FGD3: variants seen among roughly 807,000 people sequenced by gnomAD.
FGD3 encodes the protein FYVE, RhoGEF and PH domain-containing protein 3.
Under a neutral mutation model 71.8 loss-of-function variants are expected in FGD3, and 45 were observed. That is an observed-to-expected ratio of 0.63 (90% CI 0.49 to 0.80). The LOEUF is 0.80. FGD3 is among the 30% of genes least tolerant of loss of function. The probability of loss-of-function intolerance (pLI) is 0.00; values close to 1 mark genes in which losing one functional copy is unlikely to be tolerated. For synonymous variants in FGD3, 378 were observed against 392.8 expected (o/e 0.96, Z 0.44); for missense variants, 844 against 951.5 (o/e 0.89, Z 1.49).
At chr9:92,995,238 T>C (rs1191317257) in intron 3 of FGD3, among the ~76,000 whole-genome samples, 1 of 152,194 alleles carries the variant, frequency 6.6e-6, no homozygotes, top group East Asian at 1.9e-4. Context: ...TTGAAGCAAT[T>C]GTGAATGGGA....
rs375796425 is a variant in FGD3, at chr9:93,030,024, C to T, written c.1680+28C>T. 1.2e-5 allele frequency: 19 copies of T among 1,606,220 alleles called. No individual in the cohort carries two copies. The African/African-American group carries it at 2.1e-4, about 18-fold the overall frequency. Reference sequence around the variant, plus strand: ...GAGTCCCGGGAGAGGGGGACAGGGACAGGAGGCCACCCTGTCCTCTGCTCT... The same window carrying T: ...GAGTCCCGGGAGAGGGGGACAGGGATAGGAGGCCACCCTGTCCTCTGCTCT... On this transcript the variant is annotated intron_variant, in intron 15 of 17. Transcript: ENST00000375482.
chr9:93,022,440 G>T (rs772034822), intron 14 of FGD3, 51 bp downstream of exon 14: 2 of 1,589,052 alleles, frequency 1.3e-6, no homozygotes, highest in East Asian at 2.2e-5. Context: ...AGAGCAGGGG[G>T]TCAGACCAGG....
In FGD3 at chr9:93,032,827, G is replaced by A; in HGVS notation, c.1739G>A (p.Cys580Tyr). 1 of 1,614,206 alleles carries A rather than the reference G, an allele frequency of 6.2e-7. No individual in the cohort carries two copies. Among genetic ancestry groups the A allele is most frequent in the Non-Finnish European group, 8.5e-7 (1 of 1,180,040 alleles). ...GAGAACAGCCGGCAGAGCCGTGTCT[G>A]CAGAGATTGTTTCCTGACACAGCCA... ...KAENSRQSRVCRDCFLTQPVA... is the reference protein window; with the variant it reads ...KAENSRQSRVYRDCFLTQPVA... Residue 580 changes from cysteine to tyrosine, a missense_variant, in exon 16 of 18, where the codon TGC becomes TAC. Physicochemically the swap from Cys to Tyr is radical, Grantham distance 194. Transcript: ENST00000375482.
intron 14 of FGD3, among the ~76,000 whole-genome samples, chr9:93,027,934 G>A (rs554133974): frequency 9.9e-5 from 15 of 151,830 alleles, no homozygotes; most frequent in African/African-American, 3.1e-4. Flanking sequence ...GCCCAGATTG[G>A]TCTCGAACTT....
At chr9:93,028,992 A>G (rs1316905949) in intron 14 of FGD3, among the ~76,000 whole-genome samples, 1 of 96,348 alleles carries the variant, frequency 1.0e-5, no homozygotes, top group African/African-American at 3.6e-5. Context: ...ACATGTCCTC[A>G]CAGTTTTTTT....
In FGD3 at chr9:93,011,978, G is replaced by C. The variant is rs376943621; in HGVS notation, c.1035+706G>C. Among the ~76,000 whole-genome samples the C allele has an allele frequency of 3.3e-5, 5 of 152,004 alleles. No individual in the cohort carries two copies. The East Asian group carries it at 7.8e-4, about 24-fold the overall frequency. On this transcript the variant is annotated intron_variant, in intron 8 of 17. Transcript: ENST00000375482. ...TGGAGACCATCCTGGCTAATATGGT[G>C]AAACCCCATCTCTACTAAAAATACA... is the stretch of plus-strand genomic sequence containing the variant.
chr9:93,008,595 C>T (rs1271871827), intron 6 of FGD3, among the ~76,000 whole-genome samples: 1 of 152,192 alleles, frequency 6.6e-6, no homozygotes, highest in African/African-American at 2.4e-5. Context: ...TCTCTGCATC[C>T]CATTCCTGGG....
intron 11 of FGD3, among the ~76,000 whole-genome samples, 167 bp downstream of exon 11, chr9:93,018,382 C>T (rs1861786086): frequency 1.3e-5 from 2 of 152,136 alleles, no homozygotes; most frequent in African/African-American, 4.8e-5. Flanking sequence ...CACAGAAAGC[C>T]AATCACTGAG....
At chr9:93,015,473 G>T (rs1861638363) in intron 9 of FGD3, among the ~76,000 whole-genome samples, 1 of 151,042 alleles carries the variant, frequency 6.6e-6, no homozygotes, top group Admixed American at 6.6e-5. Flanking sequence ...ATAAAAAAAG[G>T]TTTTTTTTTA....
intron 3 of FGD3, among the ~76,000 whole-genome samples, chr9:92,981,475 A>C (rs1461559738): frequency 6.6e-6 from 1 of 152,012 alleles, no homozygotes; most frequent in African/African-American, 2.4e-5. Context: ...TATCCTGGAG[A>C]ATGTTTCATG....
chr9:93,003,935 A>T lies in FGD3; in HGVS notation c.544-66A>T, dbSNP rs1036377432. 6 of 1,593,898 alleles carry T rather than the reference A, an allele frequency of 3.8e-6. No homozygotes were observed. Among genetic ancestry groups the T allele is most frequent in the Non-Finnish European group, 5.1e-6 (6 of 1,166,268 alleles). On this transcript the variant is annotated intron_variant, in intron 4 of 17. Coordinates refer to ENST00000375482, the MANE Select transcript of FGD3 (RefSeq NM_001083536.2). This position sits in a 1 kb window ranked among gnomAD's most constrained non-coding sequence, Gnocchi z 4.1. Reference sequence around the variant, plus strand: ...CCCGAGCGCCCTCACCTGTGGCCGAAGCGGGGCGGCAACTGTGCTCAGTGG... The same window carrying T: ...CCCGAGCGCCCTCACCTGTGGCCGATGCGGGGCGGCAACTGTGCTCAGTGG...
intron 15 of FGD3, among the ~76,000 whole-genome samples, 191 bp downstream of exon 15, chr9:93,030,187 C>T (rs1037303849): frequency 6.6e-6 from 1 of 152,242 alleles, no homozygotes; most frequent in African/African-American, 2.4e-5. Context: ...AATCAAATCA[C>T]TTTTCTCTGG....
chr9:93,014,143 C>T, intron 9 of FGD3, 145 bp downstream of exon 9: 1 of 1,038,788 alleles, frequency 9.6e-7, no homozygotes, highest in Non-Finnish European at 1.3e-6. Flanking sequence ...CCTCTGAGAC[C>T]CTCAGCATCC....
chr9:93,035,821 G>A lies in FGD3; in HGVS notation c.*232G>A, dbSNP rs1862579391. The A allele has an allele frequency of 1.8e-6, 1 of 563,790 alleles. No individual in the cohort carries two copies. Among genetic ancestry groups the A allele is most frequent in the Non-Finnish European group, 3.0e-6 (1 of 335,566 alleles). 34.9% of individuals were successfully genotyped at this position (563,790 alleles called of 1,614,324 possible). A position where few individuals can be genotyped will look rare whatever the true frequency, so the allele number is the denominator to read the frequency against. ...GAGCCTGGCCTCCAGCCCCAGCAGT[G>A]TGGCCCAGAGCAGGGGCCGACTGCC... On this transcript the variant is annotated 3_prime_UTR_variant, in exon 18 of 18. Coordinates refer to ENST00000375482, the MANE Select transcript of FGD3 (RefSeq NM_001083536.2).
At chr9:93,010,706 G>C in intron 7 of FGD3, among the ~76,000 whole-genome samples, 1 of 147,780 alleles carries the variant, frequency 6.8e-6, no homozygotes, top group African/African-American at 2.5e-5. Context: ...GAGACACACA[G>C]AGACAGAGGA....
In FGD3 at chr9:93,003,762, C is replaced by T. The variant is rs547756207; in HGVS notation, c.544-239C>T. ...GAGGAAAGATGTCATTCCCTGTCCTCAGGCGACTGTCCCTGCCTCACCCAC... is the reference window on the plus strand; with the variant it reads ...GAGGAAAGATGTCATTCCCTGTCCTTAGGCGACTGTCCCTGCCTCACCCAC... On this transcript the variant is annotated intron_variant, in intron 4 of 17. Coordinates refer to ENST00000375482, the MANE Select transcript of FGD3 (RefSeq NM_001083536.2). This position sits in a 1 kb window ranked among gnomAD's most constrained non-coding sequence, Gnocchi z 4.1. 5.9e-5 allele frequency among the ~76,000 whole-genome samples: 9 copies of T among 152,358 alleles called. No homozygotes were observed. The South Asian group carries it at 1.7e-3, about 28-fold the overall frequency.
At position 93,007,253 on chromosome 9, in the gene FGD3, G is replaced by A. The variant is rs1019927174; in HGVS notation, c.837+1073G>A. Among the ~76,000 whole-genome samples the A allele has an allele frequency of 3.3e-5, 5 of 151,522 alleles. No individual in the cohort carries two copies. In the South Asian group the frequency reaches 1.0e-3, roughly 32 times the overall value. Reference sequence around the variant, plus strand: ...CTACAGGCGCCCGCCACCACGCCCGGCTAATTTTTTATATTTTTTAGTAGA... The same window carrying A: ...CTACAGGCGCCCGCCACCACGCCCGACTAATTTTTTATATTTTTTAGTAGA... On this transcript the variant is annotated intron_variant, in intron 6 of 17. Coordinates refer to ENST00000375482, the MANE Select transcript of FGD3 (RefSeq NM_001083536.2).
chr9:93,013,904 A>T lies in FGD3; in HGVS notation c.1088A>T (p.Asp363Val). 1 of 1,612,730 alleles carries T rather than the reference A, an allele frequency of 6.2e-7. No homozygotes were observed. The highest frequency in any genetic ancestry group is 1.1e-5 in the South Asian group (1 of 90,672). Residue 363 changes from aspartate (D) to valine (V), a missense_variant, in exon 9 of 18, where the codon GAC becomes GTC. Transcript: ENST00000375482. ...TACGAGCAGCTGGGTGGGGAAGAAG[A>T]CATTGTCAACCCGGCCAATGAACTG... ...EVYEQLGGEEDIVNPANELIK... is the reference protein window; with the variant it reads ...EVYEQLGGEEVIVNPANELIK...
At chr9:92,979,763 T>G (rs923796658) in intron 3 of FGD3, among the ~76,000 whole-genome samples, 1 of 152,240 alleles carries the variant, frequency 6.6e-6, no homozygotes, top group African/African-American at 2.4e-5. Flanking sequence ...GGATCTTTAT[T>G]ACTAATTCAA....
Sources: gnomAD v4.1 joint callset for allele counts (sites outside exome capture counted in the v4.1 genomes callset) on GRCh38, gnomAD v4.1.1 for gene constraint, Gnocchi (gnomAD v3.1) non-coding constraint, MANE v1.5 for transcripts, NCBI Gene and HGNC (gene_info 2026-07-23, HGNC 2026-07-21) for gene names.